Variants in CNTNAP2 observed in about 807,000 individuals in gnomAD.
The protein encoded by CNTNAP2 is contactin associated protein 2, also known as contactin-associated protein-like 2.
CNTNAP2 carries 98 observed loss-of-function variants against 155.2 expected under a neutral mutation model. That is an observed-to-expected ratio of 0.63 (90% confidence interval 0.54 to 0.75). CNTNAP2 has a LOEUF of 0.75. Among genes scored for constraint, CNTNAP2 ranks in the 30% least tolerant of loss-of-function variants. CNTNAP2 has a pLI of 0.00. For synonymous variants in CNTNAP2, 651 were observed against 631.2 expected (o/e 1.03, Z -0.47); for missense variants, 1,727 against 1,688.1 (o/e 1.02, Z -0.40).
chr7:147,828,860 A>T (rs1057205093), intron 13 of CNTNAP2, among the ~76,000 whole-genome samples: 1 of 152,200 alleles, frequency 6.6e-6, no homozygotes, highest in Non-Finnish European at 1.5e-5. Context: ...TCTTTGGAAC[A>T]TTTATCACCT....
At chr7:146,906,272 A>T (rs28883392) in intron 3 of CNTNAP2, among the ~76,000 whole-genome samples, 1 of 152,188 alleles carries the variant, frequency 6.6e-6, no homozygotes, top group African/African-American at 2.4e-5. Flanking sequence ...CAAAGCAGCC[A>T]GGAAGCTGGA....
chr7:147,090,034 G>A (rs1330002815), intron 4 of CNTNAP2, among the ~76,000 whole-genome samples: 1 of 152,030 alleles, frequency 6.6e-6, no homozygotes, highest in Non-Finnish European at 1.5e-5. Context: ...TCCTCACTGG[G>A]GAGAAAATAA....
At chr7:146,519,105 C>A (rs1290057664) in intron 1 of CNTNAP2, among the ~76,000 whole-genome samples, 1 of 151,878 alleles carries the variant, frequency 6.6e-6, no homozygotes, top group Admixed American at 6.6e-5. Context: ...AGGAAAATGA[C>A]TATGTCATGT....
At chr7:147,112,480 C>T (rs571647555) in intron 5 of CNTNAP2, among the ~76,000 whole-genome samples, 10 of 152,264 alleles carry the variant, frequency 6.6e-5, no homozygotes, top group African/African-American at 2.4e-4. Flanking sequence ...AGCTTTTCCC[C>T]ATTCAGTATG....
At chr7:147,975,575 T>C (rs990382545) in intron 14 of CNTNAP2, among the ~76,000 whole-genome samples, 1 of 152,154 alleles carries the variant, frequency 6.6e-6, no homozygotes, top group Non-Finnish European at 1.5e-5. Flanking sequence ...GAGCACCTTC[T>C]CTTCCTACAG....
intron 8 of CNTNAP2, among the ~76,000 whole-genome samples, chr7:147,142,931 T>G (rs1213865525): frequency 6.6e-6 from 1 of 152,076 alleles, no homozygotes; most frequent in Non-Finnish European, 1.5e-5. Context: ...CATTTATCAT[T>G]TATTGCCCAA....
At chr7:148,064,927 A>C (rs1297204624) in intron 15 of CNTNAP2, among the ~76,000 whole-genome samples, 1 of 152,084 alleles carries the variant, frequency 6.6e-6, no homozygotes, top group Non-Finnish European at 1.5e-5. Context: ...TAAGCATTTA[A>C]TGCTATGAAC....
rs114257080 is a variant in CNTNAP2 at position 146,996,334 on chromosome 7, A to G, written c.403-47573A>G. ...GTATAGACATTTTAACAATATTACT[A>G]CTTTCAATCTACGAACATAAAGTCT... On this transcript the variant is annotated intron_variant, in intron 3 of 23. Transcript: ENST00000361727. 2.5e-3 allele frequency among the ~76,000 whole-genome samples: 384 copies of G among 152,198 alleles called. 1 individual carries two copies. The highest frequency in any genetic ancestry group is 8.8e-3 in the African/African-American group (367 of 41,556).
intron 8 of CNTNAP2, among the ~76,000 whole-genome samples, chr7:147,200,410 A>G (rs906517495): frequency 6.6e-6 from 1 of 152,136 alleles, no homozygotes; most frequent in African/African-American, 2.4e-5. Context: ...CAACATTTTC[A>G]TGGATTCCCT....
chr7:146,524,702 T>C (rs369534596), intron 1 of CNTNAP2, among the ~76,000 whole-genome samples: 30 of 152,272 alleles, frequency 2.0e-4, no homozygotes, highest in East Asian at 1.9e-3. Context: ...CATCTCATGT[T>C]ATTTGAACAA....
At chr7:146,670,125 A>G (rs2533079) in intron 1 of CNTNAP2, among the ~76,000 whole-genome samples, 7,738 of 152,226 alleles carry the variant, frequency 0.051, 710 homozygotes, top group African/African-American at 0.18. Context: ...TTAAGAAGCT[A>G]ATATTTTAGG....
chr7:148,245,594 C>T (rs779959163), intron 20 of CNTNAP2, among the ~76,000 whole-genome samples: 7 of 152,166 alleles, frequency 4.6e-5, no homozygotes, highest in East Asian at 1.9e-4. Context: ...GGAAGATTGA[C>T]GGAAGAAGAG....
At chr7:147,840,357 T>A (rs1056387698) in intron 13 of CNTNAP2, among the ~76,000 whole-genome samples, 1 of 152,168 alleles carries the variant, frequency 6.6e-6, no homozygotes, top group African/African-American at 2.4e-5. Context: ...CACCTGACAT[T>A]GCAAAATATC....
chr7:146,309,589 G>C (rs546696593), intron 1 of CNTNAP2, among the ~76,000 whole-genome samples: 1 of 152,190 alleles, frequency 6.6e-6, no homozygotes, highest in South Asian at 2.1e-4. Context: ...ATCACCTAAG[G>C]TCAGGAGTTC....
At chr7:146,839,185 T>C (rs1008223530) in intron 2 of CNTNAP2, among the ~76,000 whole-genome samples, 1 of 152,164 alleles carries the variant, frequency 6.6e-6, no homozygotes, top group Non-Finnish European at 1.5e-5. Flanking sequence ...TATACTTCCC[T>C]GTACCTCTCA....
At chr7:146,624,066 C>A (rs556869577) in intron 1 of CNTNAP2, among the ~76,000 whole-genome samples, 1 of 151,672 alleles carries the variant, frequency 6.6e-6, no homozygotes, top group South Asian at 2.1e-4. Context: ...TTTTTGATAC[C>A]GTGTCTTTTT....
chr7:146,477,426 A>G (rs1163405325), intron 1 of CNTNAP2, among the ~76,000 whole-genome samples: 1 of 152,144 alleles, frequency 6.6e-6, no homozygotes, highest in Non-Finnish European at 1.5e-5. Context: ...ATAAAATGTT[A>G]AGCTTCCTAA....
chr7:147,181,584 GA>G (rs1802455839), intron 8 of CNTNAP2, among the ~76,000 whole-genome samples: 1 of 152,112 alleles, frequency 6.6e-6, no homozygotes, highest in Non-Finnish European at 1.5e-5. Context: ...TATTCCAACA[GA>G]AAGGTGAACT....
At chr7:146,888,768 G>A (rs1795718889) in intron 3 of CNTNAP2, among the ~76,000 whole-genome samples, 1 of 152,058 alleles carries the variant, frequency 6.6e-6, no homozygotes, top group Non-Finnish European at 1.5e-5. Flanking sequence ...AACACTATAT[G>A]ATGTTACCTA....
Sources: allele counts gnomAD v4.1 joint callset (sites outside exome capture counted in the v4.1 genomes callset), GRCh38; gene constraint gnomAD v4.1.1; transcripts MANE v1.5; gene names NCBI Gene and HGNC (gene_info 2026-07-23, HGNC 2026-07-21).